TFAP2D: variants seen among roughly 807,000 people sequenced by gnomAD.
TFAP2D encodes transcription factor AP-2 delta.
In TFAP2D, 9 loss-of-function variants were observed where a neutral mutation model predicts 43.6. That is an observed-to-expected ratio of 0.21 (90% confidence interval 0.12 to 0.36). The LOEUF (loss-of-function observed/expected upper bound fraction) is 0.36. Among genes scored for constraint, TFAP2D ranks in the 10% least tolerant of loss-of-function variants. TFAP2D has a pLI of 1.00. For missense variants in TFAP2D, 513 were observed against 561.4 expected (o/e 0.91, Z 0.87); for synonymous variants, 256 against 224.9 (o/e 1.14, Z -1.24).
chr6:50,758,293 T>C (rs1769317856), intron 7 of TFAP2D, among the ~76,000 whole-genome samples: 1 of 151,952 alleles, frequency 6.6e-6, no homozygotes. Context: ...TCCTTCAATA[T>C]TTAGACCTTC....
At chr6:50,738,716 C>T (rs971845253) in intron 5 of TFAP2D, among the ~76,000 whole-genome samples, 1 of 152,114 alleles carries the variant, frequency 6.6e-6, no homozygotes, top group Non-Finnish European at 1.5e-5. Context: ...TATGCTTTTC[C>T]AATAGGCTGA....
intron 5 of TFAP2D, among the ~76,000 whole-genome samples, chr6:50,733,960 C>A (rs1352407075): frequency 2.0e-5 from 3 of 150,126 alleles, no homozygotes; most frequent in East Asian, 1.9e-4. Flanking sequence ...AGATCAAATT[C>A]TCTCTCTCTG....
chr6:50,768,284 T>TC (rs1440355365), intron 7 of TFAP2D, among the ~76,000 whole-genome samples: 4 of 150,704 alleles, frequency 2.7e-5, no homozygotes, highest in Non-Finnish European at 4.4e-5. Context: ...TTTTTTTTTT[T>TC]TTTTTGGAGA....
intron 5 of TFAP2D, among the ~76,000 whole-genome samples, chr6:50,741,767 GAAA>G (rs112907842): frequency 7.5e-6 from 1 of 132,708 alleles, no homozygotes. Flanking sequence ...AAGTAGCTCT[GAAA>G]AAAAAAAAAA....
intron 3 of TFAP2D, among the ~76,000 whole-genome samples, chr6:50,726,988 C>T (rs552766346): frequency 6.6e-4 from 100 of 152,270 alleles, no homozygotes; most frequent in Non-Finnish European, 7.8e-4. Context: ...TTTAATTTGA[C>T]GATTGAGATT....
chr6:50,751,854 C>A (rs900260335), intron 7 of TFAP2D, among the ~76,000 whole-genome samples: 1 of 151,844 alleles, frequency 6.6e-6, no homozygotes, highest in Non-Finnish European at 1.5e-5. Flanking sequence ...GAGAGAATAA[C>A]AATGCATGAA....
chr6:50,758,798 A>G (rs993257808), intron 7 of TFAP2D, among the ~76,000 whole-genome samples: 1 of 152,040 alleles, frequency 6.6e-6, no homozygotes, highest in Non-Finnish European at 1.5e-5. Context: ...TGAGAAAAGA[A>G]ACAATGAAAT....
rs1170675045 is a variant in TFAP2D at position 50,729,230 on chromosome 6, G to A, written c.801G>A (p.Glu267=). Residue 267 remains glutamate (E), a synonymous_variant, in exon 5 of 8, where the codon GAG becomes GAA. Coordinates refer to ENST00000008391, the MANE Select transcript of TFAP2D (RefSeq NM_172238.4). ...KSKNGGRCLR[E]KLDRLGLNLP... ...AGAATGGGGGCCGCTGCCTGAGAGA[G>A]AAATTGGATAGGCTTGGCTTAAACT... is the stretch of plus-strand genomic sequence containing the variant. The A allele has an allele frequency of 6.2e-7, 1 of 1,614,024 alleles. No homozygotes were observed. The highest frequency in any genetic ancestry group is 8.5e-7 in the Non-Finnish European group (1 of 1,179,876).
At chr6:50,745,737 G>C (rs1227242663) in intron 6 of TFAP2D, among the ~76,000 whole-genome samples, 1 of 152,024 alleles carries the variant, frequency 6.6e-6, no homozygotes, top group Non-Finnish European at 1.5e-5. Flanking sequence ...ATCCTCTCTT[G>C]TGTATGAGTA....
intron 5 of TFAP2D, among the ~76,000 whole-genome samples, chr6:50,736,393 C>G (rs978386516): frequency 1.3e-5 from 2 of 151,992 alleles, no homozygotes; most frequent in Non-Finnish European, 2.9e-5. Flanking sequence ...TCATAAATGT[C>G]TTATTCTAAG....
chr6:50,719,478 A>AAAGAAAGAAAGG lies in TFAP2D; in HGVS notation c.598+339_598+340insGAAGAAAGAAAG, dbSNP rs1391133944. On this transcript the variant is annotated intron_variant, in intron 3 of 7. Transcript: ENST00000008391. ...GAAAGAAAGAAAGAAAGAAAGAAAGAAAGAAAGAAAGAAAGAAAGAAAGAA... is the reference window on the plus strand; with the variant it reads ...GAAAGAAAGAAAGAAAGAAAGAAAGAAAGAAAGAAAGGAAGAAAGAAAGAAAGAAAGAAAGAA... Among the ~76,000 whole-genome samples, 123 of 137,534 alleles carry AAAGAAAGAAAGG rather than the reference A, an allele frequency of 8.9e-4. 1 individual carries two copies. Among genetic ancestry groups the AAAGAAAGAAAGG allele is most frequent in the African/African-American group, 3.0e-3 (120 of 40,070 alleles). 90.2% of individuals were successfully genotyped at this position (137,534 alleles called of 152,430 possible).
At position 50,773,031 on chromosome 6, in the gene TFAP2D, C is replaced by CAA; in HGVS notation, c.*167_*168insAA. The CAA allele has an allele frequency of 1.7e-6, 1 of 589,396 alleles. No individual in the cohort carries two copies. The highest frequency in any genetic ancestry group is 2.7e-6 in the Non-Finnish European group (1 of 365,140). 36.5% of individuals were successfully genotyped at this position (589,396 alleles called of 1,614,324 possible). On this transcript the variant is annotated 3_prime_UTR_variant, in exon 8 of 8. Coordinates refer to ENST00000008391, the MANE Select transcript of TFAP2D (RefSeq NM_172238.4). ...AAAAATGAAACAAAAAAGGACAAAA[C>CAA]CAAAAAAAAAAGAAAAAAAAAGGAA...
Position 50,715,538 on chromosome 6 carries a change from T to C in TFAP2D, c.462T>C (p.Tyr154=), listed in dbSNP as rs1382691671. The change falls in exon 2 of 8, where the codon TAT becomes TAC. Residue 154 remains tyrosine (Y), a synonymous_variant. Coordinates refer to ENST00000008391, the MANE Select transcript of TFAP2D (RefSeq NM_172238.4). The part of the protein sequence containing the change: ...DLSLMSHGSQ[Y]GMHPDQRLLP... ...CCCTCATGAGCCATGGCTCTCAGTA[T>C]GGAATGCACCCAGATCAAAGACTCC... The C allele has an allele frequency of 7.4e-6, 12 of 1,611,942 alleles. No homozygotes were observed. The Middle Eastern group carries it at 4.9e-4, about 66-fold the overall frequency.
chr6:50,729,722 G>A (rs1266387952), intron 5 of TFAP2D, among the ~76,000 whole-genome samples: 2 of 152,082 alleles, frequency 1.3e-5, no homozygotes, highest in African/African-American at 4.8e-5. Flanking sequence ...AGAGTTCACA[G>A]GGGTCTAGGC....
At chr6:50,728,427 G>A (rs1768838554) in intron 3 of TFAP2D, among the ~76,000 whole-genome samples, 1 of 152,184 alleles carries the variant, frequency 6.6e-6, no homozygotes, top group Non-Finnish European at 1.5e-5. Flanking sequence ...AGTAATTGTG[G>A]ATAAAACATT....
intron 3 of TFAP2D, among the ~76,000 whole-genome samples, chr6:50,720,170 A>C (rs1768695668): frequency 6.6e-6 from 1 of 152,184 alleles, no homozygotes; most frequent in Non-Finnish European, 1.5e-5. Context: ...GCAGTAACAG[A>C]ACACTAAAAA....
At chr6:50,761,364 T>C (rs752299684) in intron 7 of TFAP2D, among the ~76,000 whole-genome samples, 2 of 152,000 alleles carry the variant, frequency 1.3e-5, no homozygotes, top group African/African-American at 4.8e-5. Context: ...ATTTTCAGTC[T>C]TCTAGTTTGT....
chr6:50,762,250 C>G (rs1016740620), intron 7 of TFAP2D, among the ~76,000 whole-genome samples: 2 of 152,000 alleles, frequency 1.3e-5, no homozygotes, highest in African/African-American at 4.8e-5. Flanking sequence ...CAATACATTT[C>G]CATGTAAAAA....
intron 3 of TFAP2D, 25 bp downstream of exon 3, chr6:50,719,175 A>T (rs1313314438): frequency 1.2e-6 from 2 of 1,609,124 alleles, no homozygotes; most frequent in African/African-American, 2.7e-5. Flanking sequence ...ACAACATGTT[A>T]ACCCTAGACA....
Sources: gnomAD v4.1 joint callset for allele counts (sites outside exome capture counted in the v4.1 genomes callset) on GRCh38, gnomAD v4.1.1 for gene constraint, MANE v1.5 for transcripts, NCBI Gene and HGNC (gene_info 2026-07-23, HGNC 2026-07-21) for gene names.